The following SYT14 variants were observed in gnomAD, a reference collection of about 807,000 sequenced individuals.
SYT14 encodes the protein synaptotagmin-14.
A neutral mutation model predicts 74.2 loss-of-function variants in SYT14; 32 were observed. The observed-to-expected ratio is 0.43, with a 90% CI of 0.33 to 0.58. The LOEUF (loss-of-function observed/expected upper bound fraction) is 0.58, where lower values mean the gene tolerates loss of function less well. Ranked by LOEUF, SYT14 falls within the 20% of genes least tolerant of loss-of-function variation. The probability of loss-of-function intolerance (pLI) is 0.05; values close to 1 mark genes in which losing one functional copy is unlikely to be tolerated. For missense variants in SYT14, 791 were observed against 981.8 expected (o/e 0.81, Z 2.60); for synonymous variants, 298 against 337.7 (o/e 0.88, Z 1.29).
intron 1 of SYT14, among the ~76,000 whole-genome samples, chr1:209,949,849 T>G (rs565875041): frequency 1.3e-5 from 2 of 152,174 alleles, no homozygotes; most frequent in Non-Finnish European, 2.9e-5. Context: ...TTGACTTTTG[T>G]GGGTACTTGG....
chr1:210,123,284 G>A (rs951084031), intron 7 of SYT14, among the ~76,000 whole-genome samples: 2 of 152,100 alleles, frequency 1.3e-5, no homozygotes, highest in African/African-American at 4.8e-5. Context: ...TGGAAAGAGG[G>A]CATCAGCAGA....
At chr1:210,040,619 C>G (rs1334777246) in intron 5 of SYT14, among the ~76,000 whole-genome samples, 1 of 151,948 alleles carries the variant, frequency 6.6e-6, no homozygotes, top group African/African-American at 2.4e-5. Flanking sequence ...GACGTAGGAT[C>G]AGACTTTAAA....
At chr1:210,005,550 T>C (rs1433640549) in intron 2 of SYT14, among the ~76,000 whole-genome samples, 1 of 151,990 alleles carries the variant, frequency 6.6e-6, no homozygotes, top group African/African-American at 2.4e-5. Context: ...GTTTCTCATT[T>C]AGATAATTGT....
At chr1:209,993,206 T>C (rs2079725109) in intron 2 of SYT14, among the ~76,000 whole-genome samples, 1 of 152,198 alleles carries the variant, frequency 6.6e-6, no homozygotes, top group African/African-American at 2.4e-5. Flanking sequence ...AACTGACCTC[T>C]GAGCCAGAAA....
intron 5 of SYT14, among the ~76,000 whole-genome samples, chr1:210,047,050 A>C (rs1376786718): frequency 6.6e-6 from 1 of 152,130 alleles, no homozygotes; most frequent in African/African-American, 2.4e-5. Context: ...TAATTAATTA[A>C]TTTTATATTA....
At chr1:210,142,385 A>G (rs2082933845) in intron 7 of SYT14, among the ~76,000 whole-genome samples, 1 of 152,176 alleles carries the variant, frequency 6.6e-6, no homozygotes, top group Admixed American at 6.5e-5. Flanking sequence ...CAGAGTTCTG[A>G]AAAAGTTTTT....
chr1:209,947,001 T>C (rs1399008808), intron 1 of SYT14, among the ~76,000 whole-genome samples: 3 of 152,302 alleles, frequency 2.0e-5, no homozygotes, highest in South Asian at 4.1e-4. Context: ...ATTTTGGGGT[T>C]TTAAATGACA....
chr1:209,985,917 G>T (rs2079562267), intron 2 of SYT14, among the ~76,000 whole-genome samples: 1 of 152,148 alleles, frequency 6.6e-6, no homozygotes, highest in African/African-American at 2.4e-5. Flanking sequence ...CGGGATACAG[G>T]AGCAATTTCC....
intron 5 of SYT14, among the ~76,000 whole-genome samples, chr1:210,062,265 C>T (rs1390821344): frequency 2.0e-5 from 3 of 151,768 alleles, no homozygotes; most frequent in African/African-American, 7.3e-5. Context: ...TAACCAAGTG[C>T]ATATTTGGAA....
chr1:210,085,815 G>A (rs890384859), intron 5 of SYT14, among the ~76,000 whole-genome samples: 1 of 152,078 alleles, frequency 6.6e-6, no homozygotes, highest in Admixed American at 6.6e-5. Flanking sequence ...TTTTGTATCT[G>A]TGTTCACGGG....
At chr1:210,125,713 A>G (rs767852467) in intron 7 of SYT14, among the ~76,000 whole-genome samples, 82 of 151,312 alleles carry the variant, frequency 5.4e-4, no homozygotes, top group Admixed American at 1.4e-3. Flanking sequence ...GTTTTCCTTC[A>G]CTGATTCCTG....
intron 2 of SYT14, among the ~76,000 whole-genome samples, chr1:209,985,485 C>A (rs2079555607): frequency 6.6e-6 from 1 of 152,256 alleles, no homozygotes; most frequent in South Asian, 2.1e-4. Context: ...GCCCCCACAT[C>A]TGTTCTTCCA....
chr1:210,067,945 A>G (rs1234380906), intron 5 of SYT14, among the ~76,000 whole-genome samples: 2 of 151,884 alleles, frequency 1.3e-5, no homozygotes, highest in Non-Finnish European at 2.9e-5. Context: ...TTTCTAATAA[A>G]TTCTAATAAT....
chr1:210,033,829 T>C (rs1037325125), intron 5 of SYT14, among the ~76,000 whole-genome samples: 9 of 151,838 alleles, frequency 5.9e-5, no homozygotes, highest in African/African-American at 2.2e-4. Flanking sequence ...AATGCTTCTT[T>C]AAGTATAAAT....
At chr1:210,062,315 C>A (rs1379978647) in intron 5 of SYT14, among the ~76,000 whole-genome samples, 1 of 151,860 alleles carries the variant, frequency 6.6e-6, no homozygotes, top group Non-Finnish European at 1.5e-5. Flanking sequence ...GGGATGATCT[C>A]TGCAAATGGT....
chr1:209,984,255 A>G (rs545745102), intron 2 of SYT14, among the ~76,000 whole-genome samples: 1 of 152,328 alleles, frequency 6.6e-6, no homozygotes, highest in Non-Finnish European at 1.5e-5. Flanking sequence ...CCCATTGCCA[A>G]GGTGGGGGCT....
chr1:210,090,049 A>C (rs796144084), intron 5 of SYT14, among the ~76,000 whole-genome samples: 3 of 152,346 alleles, frequency 2.0e-5, no homozygotes, highest in African/African-American at 7.2e-5. Context: ...GTGAAGTTAC[A>C]GCGTTACACA....
chr1:210,159,288 A>G, intron 8 of SYT14, 133 bp from the exon 8 acceptor site: 1 of 873,000 alleles, frequency 1.1e-6, no homozygotes, highest in South Asian at 1.5e-5. Flanking sequence ...TCTGAATTAA[A>G]ATGCTAAAGT....
At chr1:209,973,538 AACTCATC>A (rs2079297466) in intron 2 of SYT14, among the ~76,000 whole-genome samples, 2 of 152,312 alleles carry the variant, frequency 1.3e-5, no homozygotes, top group African/African-American at 4.8e-5. Context: ...AAAGGACATG[AACTCATC>A]ATTTTTTATG....
Sources: allele counts gnomAD v4.1 joint callset (sites outside exome capture counted in the v4.1 genomes callset), GRCh38; gene constraint gnomAD v4.1.1; transcripts MANE v1.5; gene names NCBI Gene and HGNC (gene_info 2026-07-23, HGNC 2026-07-21).